The following TIAM2 variants were observed in gnomAD, a reference collection of about 807,000 sequenced individuals.
TIAM2 encodes rho guanine nucleotide exchange factor TIAM2.
In TIAM2, 80 loss-of-function variants were observed where a neutral mutation model predicts 152.9. The ratio of observed to expected loss-of-function variants is 0.52; its 90% confidence interval spans 0.44 to 0.63. The LOEUF is 0.63. TIAM2 is among the 30% of genes least tolerant of loss of function. The pLI is 0.00. For missense variants in TIAM2, 1,965 were observed against 2,120.1 expected, an observed-to-expected ratio of 0.93 and a Z score of 1.44; for synonymous variants, 804 against 838.0, an observed-to-expected ratio of 0.96 and a Z score of 0.70.
intron 14 of TIAM2, among the ~76,000 whole-genome samples, chr6:155,202,167 G>T (rs548116953): frequency 2.6e-5 from 4 of 152,198 alleles, no homozygotes; most frequent in African/African-American, 9.6e-5. Context: ...CTTTGAATGT[G>T]GTCAACTCAA....
chr6:155,037,234 A>G (rs1776939527), intron 1 of TIAM2, among the ~76,000 whole-genome samples: 1 of 152,196 alleles, frequency 6.6e-6, no homozygotes, highest in African/African-American at 2.4e-5. Flanking sequence ...GGGGCAGTAA[A>G]ATACTGACCT....
intron 1 of TIAM2, among the ~76,000 whole-genome samples, chr6:155,047,859 A>C (rs1583167407): frequency 1.3e-5 from 2 of 152,302 alleles, no homozygotes; most frequent in South Asian, 4.1e-4. Flanking sequence ...AAGTGAATGC[A>C]AAAGGGTATA....
At chr6:155,144,243 C>T (rs555923676) in intron 5 of TIAM2, among the ~76,000 whole-genome samples, 4 of 152,316 alleles carry the variant, frequency 2.6e-5, no homozygotes, top group Non-Finnish European at 4.4e-5. Flanking sequence ...CTCAATGGAT[C>T]GAGACCAGTC....
At chr6:155,220,016 A>T (rs1285555906) in intron 15 of TIAM2, among the ~76,000 whole-genome samples, 2 of 152,258 alleles carry the variant, frequency 1.3e-5, no homozygotes, top group Non-Finnish European at 2.9e-5. Context: ...CAGTGGGAAG[A>T]AACTTGCTGG....
At chr6:155,067,940 C>T (rs1249044724) in intron 1 of TIAM2, among the ~76,000 whole-genome samples, 1 of 152,160 alleles carries the variant, frequency 6.6e-6, no homozygotes, top group Non-Finnish European at 1.5e-5. Context: ...CCAAGCCCGA[C>T]TTTTTCCTTG....
At chr6:155,221,476 G>A (rs1197209658) in intron 15 of TIAM2, among the ~76,000 whole-genome samples, 1 of 152,166 alleles carries the variant, frequency 6.6e-6, no homozygotes, top group East Asian at 1.9e-4. Flanking sequence ...TCTGATACAG[G>A]CTTCTCCTTT....
chr6:155,247,704 A>G (rs1326763493), intron 19 of TIAM2, among the ~76,000 whole-genome samples: 1 of 152,190 alleles, frequency 6.6e-6, no homozygotes, highest in Non-Finnish European at 1.5e-5. Context: ...ATGGGTATGC[A>G]TGAAATGTGT....
chr6:155,080,184 C>T (rs1778033018), intron 1 of TIAM2, among the ~76,000 whole-genome samples: 1 of 149,186 alleles, frequency 6.7e-6, no homozygotes, highest in Non-Finnish European at 1.5e-5. Flanking sequence ...CTTTATCCTC[C>T]TTAGCATTGT....
intron 2 of TIAM2, among the ~76,000 whole-genome samples, chr6:155,115,332 G>A (rs1366589808): frequency 2.0e-5 from 3 of 151,890 alleles, no homozygotes; most frequent in Admixed American, 6.5e-5. Context: ...AAAGTGCTCC[G>A]AATACAGGCA....
At chr6:155,249,286 A>G (rs1783514024) in intron 20 of TIAM2, among the ~76,000 whole-genome samples, 1 of 152,188 alleles carries the variant, frequency 6.6e-6, no homozygotes, top group Non-Finnish European at 1.5e-5. Context: ...AATGCAAACA[A>G]TTGTTCTGTC....
intron 14 of TIAM2, among the ~76,000 whole-genome samples, chr6:155,206,630 C>G (rs574910433): frequency 6.6e-6 from 1 of 152,254 alleles, no homozygotes; most frequent in African/African-American, 2.4e-5. Flanking sequence ...CAGTGTCTGG[C>G]ACCCATGGGA....
intron 1 of TIAM2, among the ~76,000 whole-genome samples, chr6:155,048,312 G>A (rs534299098): frequency 6.6e-6 from 1 of 151,944 alleles, no homozygotes; most frequent in South Asian, 2.1e-4. Flanking sequence ...TCACTATGTT[G>A]CCCAGGCTGG....
chr6:155,200,563 C>T (rs1355676518), intron 14 of TIAM2, among the ~76,000 whole-genome samples: 1 of 152,088 alleles, frequency 6.6e-6, no homozygotes, highest in Admixed American at 6.5e-5. Context: ...CCGTCTAATT[C>T]CACAATATTT....
chr6:155,080,061 C>CT (rs1189062222), intron 1 of TIAM2, among the ~76,000 whole-genome samples: 1 of 152,216 alleles, frequency 6.6e-6, no homozygotes, highest in Non-Finnish European at 1.5e-5. Context: ...CCTGGAAACT[C>CT]TCATGTGTTC....
intron 1 of TIAM2, among the ~76,000 whole-genome samples, chr6:155,047,720 AG>A (rs1777225749): frequency 1.5e-5 from 2 of 130,856 alleles, no homozygotes; most frequent in Non-Finnish European, 3.2e-5. Flanking sequence ...AGAGAGAGAG[AG>A]AGAGCGAGAG....
intron 14 of TIAM2, among the ~76,000 whole-genome samples, chr6:155,192,077 G>A (rs1781220825): frequency 6.6e-6 from 1 of 152,140 alleles, no homozygotes; most frequent in Non-Finnish European, 1.5e-5. Context: ...TTACTGGAGG[G>A]AGGAGGGTCA....
Position 155,183,360 on chromosome 6 carries a change from C to T in TIAM2, c.2924C>T (p.Pro975Leu), listed in dbSNP as rs955780322. 1.1e-5 allele frequency: 17 copies of T among 1,613,286 alleles called. No individual in the cohort carries two copies. The highest frequency in any genetic ancestry group is 2.7e-5 in the African/African-American group (2 of 74,642). ...GGACTCACTCTGATTGCCCGGCCTC[C>T]GGACACAAAAGCAACCCTGTGTACA... is the stretch of plus-strand genomic sequence containing the variant. ...SVGLTLIARPPDTKATLCTSW... is the reference protein window; with the variant it reads ...SVGLTLIARPLDTKATLCTSW... Residue 975 changes from proline (P) to leucine (L), a missense_variant, in exon 14 of 27, where the codon CCG becomes CTG. Physicochemically the swap from Pro to Leu is moderately conservative, Grantham distance 98. Transcript: ENST00000682666.
intron 14 of TIAM2, among the ~76,000 whole-genome samples, chr6:155,189,558 T>C (rs1475066860): frequency 6.6e-6 from 1 of 152,248 alleles, no homozygotes; most frequent in African/African-American, 2.4e-5. Context: ...AACTTAGTTT[T>C]GTTTGATTCT....
In TIAM2 at chr6:155,122,900, AT is replaced by A. The variant is rs1315331943; in HGVS notation, c.-117-4583del. Among the ~76,000 whole-genome samples the A allele has an allele frequency of 2.6e-5, 4 of 151,102 alleles. No individual in the cohort carries two copies. In the East Asian group the frequency reaches 7.8e-4, roughly 29 times the overall value. On this transcript the variant is annotated intron_variant, in intron 2 of 26. Coordinates refer to ENST00000682666, the MANE Select transcript of TIAM2 (RefSeq NM_012454.4). ...ATGAATGAAATCTGTTGTTTTTTAA[AT>A]TTTTTTCAGCCCCCTTTCTATTAAC...
Sources: allele counts gnomAD v4.1 joint callset (sites outside exome capture counted in the v4.1 genomes callset), GRCh38; gene constraint gnomAD v4.1.1; transcripts MANE v1.5; gene names NCBI Gene and HGNC (gene_info 2026-07-23, HGNC 2026-07-21).